CETP: variants seen among roughly 807,000 people sequenced by gnomAD.
The protein encoded by CETP is cholesteryl ester transfer protein, also known as BPI fold containing family F.
In CETP, 56 loss-of-function variants were observed where a neutral mutation model predicts 66.5. That is an observed-to-expected ratio of 0.84 (90% CI 0.68 to 1.05). The LOEUF (loss-of-function observed/expected upper bound fraction) is 1.05. Ranked by LOEUF, CETP falls within the 50% of genes least tolerant of loss-of-function variation. The pLI is 0.00. For missense variants in CETP, 612 were observed against 609.6 expected (o/e 1.00, Z -0.04); for synonymous variants, 251 against 245.7 (o/e 1.02, Z -0.20).
At chr16:56,967,435 C>T (rs924201531) in intron 2 of CETP, among the ~76,000 whole-genome samples, 9 of 151,946 alleles carry the variant, frequency 5.9e-5, no homozygotes, top group African/African-American at 7.3e-5. Context: ...GTGGGGGAAT[C>T]ACCTGAGGTC....
At chr16:56,972,446 T>A (rs2056119178) in intron 8 of CETP, among the ~76,000 whole-genome samples, 1 of 152,252 alleles carries the variant, frequency 6.6e-6, no homozygotes, top group African/African-American at 2.4e-5. Flanking sequence ...GGATATAGAT[T>A]TCTGTAACAA....
chr16:56,969,299 C>CA, intron 2 of CETP, 87 bp from the exon 3 acceptor site: 1 of 1,565,154 alleles, frequency 6.4e-7, no homozygotes. Flanking sequence ...TTCTATCTTC[C>CA]ACCCTCGCCT....
chr16:56,966,186 A>C (rs1337346551), intron 2 of CETP, among the ~76,000 whole-genome samples: 2 of 152,242 alleles, frequency 1.3e-5, no homozygotes, highest in African/African-American at 2.4e-5. Context: ...AGCTGTCAGC[A>C]GAACCAGATT....
At position 56,975,099 on chromosome 16, in the gene CETP, A is replaced by G. The variant is rs1393600682; in HGVS notation, c.931-2A>G. ...CCCTCCAACTTCCTCATTTCTTTTC[A>G]GGCAGTGCTGGAGACCTGGGGCTTC... On this transcript the variant is annotated splice_acceptor_variant, in intron 9 of 15. Transcript: ENST00000200676. LOFTEE classifies it high-confidence loss of function. 1.2e-6 allele frequency: 2 copies of G among 1,613,992 alleles called. No homozygotes were observed. Among genetic ancestry groups the G allele is most frequent in the Admixed American group, 3.3e-5 (2 of 60,020 alleles).
In CETP at chr16:56,969,917, G is replaced by A. The variant is rs778814831; in HGVS notation, c.443G>A (p.Cys148Tyr). The change falls in exon 5 of 16, where the codon TGT becomes TAT. Residue 148 changes from cysteine (C) to tyrosine (Y), a missense_variant. Cys to Tyr is a radical substitution (Grantham distance 194). Coordinates refer to ENST00000200676, the MANE Select transcript of CETP (RefSeq NM_000078.3). ...GTCATGTCGGGTCTCCCTGCAGCCT[G>A]TGACTCTGGTAGAGTGCGGACCGAT... is the stretch of plus-strand genomic sequence containing the variant. ...IDLQINTQLT[C>Y]DSGRVRTDAP... 101 of 1,613,956 alleles carry A rather than the reference G, an allele frequency of 6.3e-5. 1 individual carries two copies. The South Asian group carries it at 7.9e-4, about 13-fold the overall frequency.
At chr16:56,962,927 A>G in intron 1 of CETP, 83 bp from the exon 2 acceptor site, 8 of 1,193,090 alleles carry the variant, frequency 6.7e-6, no homozygotes, top group Non-Finnish European at 9.9e-6. Context: ...AGAGAGGCTG[A>G]GTCATGGCCA....
rs1173219183 is a variant in CETP, at chr16:56,982,110, T to C, written c.1249-55T>C. The C allele has an allele frequency of 2.0e-6, 3 of 1,531,126 alleles. No homozygotes were observed. The East Asian group carries it at 6.8e-5, about 34-fold the overall frequency. The allele number at this position is 1,531,126 out of a possible 1,614,324, so 94.8% of individuals were successfully genotyped here. ...TTGTCCAGGCCGTGCAGCATCTGCC[T>C]TGTGGGTCACTTCTGTGCTCCAGGG... On this transcript the variant is annotated intron_variant, in intron 13 of 15. Coordinates refer to ENST00000200676, the MANE Select transcript of CETP (RefSeq NM_000078.3).
intron 5 of CETP, among the ~76,000 whole-genome samples, chr16:56,970,502 A>G (rs1377511022): frequency 6.6e-6 from 1 of 152,242 alleles, no homozygotes; most frequent in African/African-American, 2.4e-5. Flanking sequence ...TGAACCCAGC[A>G]TTCTCTGACC....
intron 2 of CETP, among the ~76,000 whole-genome samples, chr16:56,964,154 G>T (rs966494750): frequency 6.6e-6 from 1 of 151,740 alleles, no homozygotes; most frequent in African/African-American, 2.4e-5. Flanking sequence ...AGCCTCCCTA[G>T]TAGCTGGGAT....
intron 11 of CETP, among the ~76,000 whole-genome samples, chr16:56,980,277 G>A (rs2056178459): frequency 6.6e-6 from 1 of 151,930 alleles, no homozygotes; most frequent in Non-Finnish European, 1.5e-5. Flanking sequence ...GTTTGTTTCT[G>A]CCCAGGCTGG....
rs1253312895 is a variant in CETP at position 56,983,364 on chromosome 16, G to A, written c.1360G>A (p.Gly454Ser). 6.2e-7 allele frequency: 1 copy of A among 1,614,246 alleles called. No individual in the cohort carries two copies. Among genetic ancestry groups the A allele is most frequent in the Admixed American group, 1.7e-5 (1 of 60,028 alleles). Residue 454 changes from glycine to serine, a missense_variant, in exon 15 of 16, where the codon GGC (glycine) becomes AGC (serine). Physicochemically the swap from Gly to Ser is moderately conservative, Grantham distance 56 (BLOSUM62 0). Transcript: ENST00000200676. ...VVFTALMNSKGVSLFDIINPE... is the reference protein window; with the variant it reads ...VVFTALMNSKSVSLFDIINPE... Reference sequence around the variant, plus strand: ...GTTTACAGCCCTCATGAACAGCAAAGGCGTGAGCCTCTTCGACATCATCAA... The same window carrying A: ...GTTTACAGCCCTCATGAACAGCAAAAGCGTGAGCCTCTTCGACATCATCAA...
At chr16:56,968,899 T>G (rs1004221460) in intron 2 of CETP, among the ~76,000 whole-genome samples, 4 of 152,192 alleles carry the variant, frequency 2.6e-5, no homozygotes, top group Non-Finnish European at 4.4e-5. Context: ...TAGTTTGCCC[T>G]TATTTTTCAA....
At chr16:56,975,593 GCAGC>G (rs1368661065) in intron 10 of CETP, among the ~76,000 whole-genome samples, 1 of 152,142 alleles carries the variant, frequency 6.6e-6, no homozygotes, top group Non-Finnish European at 1.5e-5. Flanking sequence ...CTTGGAGGTC[GCAGC>G]CCCTTCTTGC....
intron 12 of CETP, 82 bp downstream of exon 12, chr16:56,981,307 G>T: frequency 1.7e-6 from 2 of 1,152,128 alleles, no homozygotes; most frequent in South Asian, 2.5e-5. Context: ...AGGGCGGGGT[G>T]TTGGTGGGGA....
chr16:56,975,888 A>C (rs941675503), intron 10 of CETP, among the ~76,000 whole-genome samples: 60 of 151,610 alleles, frequency 4.0e-4, no homozygotes, highest in African/African-American at 1.5e-3. Flanking sequence ...CTTCCCCCCC[A>C]CGTCGCTGCT....
At chr16:56,974,255 A>G (rs1048417171) in intron 9 of CETP, among the ~76,000 whole-genome samples, 1 of 152,220 alleles carries the variant, frequency 6.6e-6, no homozygotes, top group Non-Finnish European at 1.5e-5. Flanking sequence ...CCTGGGCAAC[A>G]TGGGGAGACC....
intron 2 of CETP, among the ~76,000 whole-genome samples, chr16:56,966,629 T>G (rs2056068403): frequency 6.6e-6 from 1 of 152,170 alleles, no homozygotes; most frequent in Non-Finnish European, 1.5e-5. Context: ...GACAGAGTTT[T>G]GCACTTGTCG....
At chr16:56,970,115 G>A (rs563857383) in intron 5 of CETP, 114 bp downstream of exon 5, 3 of 935,722 alleles carry the variant, frequency 3.2e-6, no homozygotes, top group African/African-American at 3.2e-5. Context: ...GGCCAAACCT[G>A]AGGGCAGCAA....
At chr16:56,979,040 T>G (rs531521509) in intron 11 of CETP, among the ~76,000 whole-genome samples, 1 of 152,218 alleles carries the variant, frequency 6.6e-6, no homozygotes, top group East Asian at 1.9e-4. Flanking sequence ...TGGGCCCAGC[T>G]GGTCTGAGAC....
Sources: gnomAD v4.1 joint callset for allele counts (sites outside exome capture counted in the v4.1 genomes callset) on GRCh38, gnomAD v4.1.1 for gene constraint, MANE v1.5 for transcripts, NCBI Gene and HGNC (gene_info 2026-07-23, HGNC 2026-07-21) for gene names.